Variants in CLIP4 observed in about 807,000 individuals in gnomAD.
CLIP4 encodes CAP-Gly domain-containing linker protein 4.
In CLIP4, 47 loss-of-function variants were observed where a neutral mutation model predicts 73.1. The observed-to-expected ratio is 0.64, with a 90% confidence interval of 0.51 to 0.82. The LOEUF (loss-of-function observed/expected upper bound fraction) is 0.82. Ranked by LOEUF, CLIP4 falls within the 40% of genes least tolerant of loss-of-function variation. CLIP4 has a pLI of 0.00. For missense variants in CLIP4, 874 were observed against 852.9 expected (o/e 1.02, Z -0.31); for synonymous variants, 306 against 295.4 (o/e 1.04, Z -0.37).
intron 1 of CLIP4, among the ~76,000 whole-genome samples, chr2:29,099,158 A>C (rs1343598006): frequency 6.6e-6 from 1 of 151,606 alleles, no homozygotes; most frequent in African/African-American, 2.4e-5. Flanking sequence ...TTGTCTTTTC[A>C]TTGTCTTAAC....
In CLIP4 at chr2:29,128,463, A is replaced by G. The variant is rs148245988; in HGVS notation, c.134-2795A>G. Among the ~76,000 whole-genome samples, 546 of 152,102 alleles carry G rather than the reference A, an allele frequency of 3.6e-3. 3 individuals are homozygous for G. Among genetic ancestry groups the G allele is most frequent in the Non-Finnish European group, 5.8e-3 (393 of 67,936 alleles). ...AAAAACAAAAACAAAAAAAAACAAAACCCCTTGACTTTTTGAGAGAGAAAC... is the reference window on the plus strand; with the variant it reads ...AAAAACAAAAACAAAAAAAAACAAAGCCCCTTGACTTTTTGAGAGAGAAAC... On this transcript the variant is annotated intron_variant, in intron 2 of 15. Coordinates refer to ENST00000320081, the MANE Select transcript of CLIP4 (RefSeq NM_024692.6).
At chr2:29,157,818 C>T (rs926939887) in intron 11 of CLIP4, among the ~76,000 whole-genome samples, 4 of 152,264 alleles carry the variant, frequency 2.6e-5, no homozygotes, top group African/African-American at 4.8e-5. Context: ...TGTAAAGATA[C>T]GTAAAACACT....
In CLIP4 at chr2:29,098,761, A is replaced by G. The variant is rs114964372; in HGVS notation, c.-16+814A>G. ...GATTGTTAGATCATATGGTAAGACT[A>G]TGCTTAGCTTTGTAAGAACTGCCAA... is the stretch of plus-strand genomic sequence containing the variant. On this transcript the variant is annotated intron_variant, in intron 1 of 14. Coordinates refer to the CLIP4 transcript ENST00000401605. 5.6e-3 allele frequency among the ~76,000 whole-genome samples: 855 copies of G among 152,352 alleles called. 5 individuals are homozygous for G. The highest frequency in any genetic ancestry group is 0.02 in the African/African-American group (823 of 41,590).
At chr2:29,135,361 A>C (rs1357130350) in intron 5 of CLIP4, among the ~76,000 whole-genome samples, 187 bp from the exon 6 acceptor site, 1 of 152,186 alleles carries the variant, frequency 6.6e-6, no homozygotes, top group Non-Finnish European at 1.5e-5. Context: ...TTGTACTAAT[A>C]ATCAACTGCT....
At chr2:29,164,087 C>T (rs188785223) in intron 13 of CLIP4, 133 bp downstream of exon 13, 34 of 765,668 alleles carry the variant, frequency 4.4e-5, no homozygotes, top group Middle Eastern at 3.4e-4. Context: ...TAACCAACCA[C>T]CTTCTTCAGA....
chr2:29,160,437 A>C lies in CLIP4; in HGVS notation c.1504A>C (p.Arg502=). 6.2e-7 allele frequency: 1 copy of C among 1,614,144 alleles called. No individual in the cohort carries two copies. The highest frequency in any genetic ancestry group is 8.5e-7 in the Non-Finnish European group (1 of 1,180,006). The change falls in exon 12 of 16, where the codon AGG becomes CGG. Residue 502 remains arginine, a synonymous_variant. Coordinates refer to ENST00000320081, the MANE Select transcript of CLIP4 (RefSeq NM_024692.6). ...GGTAGGACAGAGACTGGGCACCATT[A>C]GGTTCTTTGGGACAACAAACTTCGC... ...LVVGQRLGTI[R]FFGTTNFAPG...
chr2:29,160,206 C>T, intron 11 of CLIP4, 127 bp from the exon 12 acceptor site: 1 of 1,150,366 alleles, frequency 8.7e-7, no homozygotes, highest in Non-Finnish European at 1.3e-6. Flanking sequence ...ATCAAAATCA[C>T]CAACTAACTA....
At chr2:29,112,474 G>A (rs1008972748), upstream of CLIP4, among the ~76,000 whole-genome samples, 8 of 152,306 alleles carry the variant, frequency 5.3e-5, no homozygotes, top group East Asian at 1.3e-3. Context: ...TGGATATTAT[G>A]CTTTAGAGTT....
chr2:29,148,729 A>G (rs1666343236), intron 8 of CLIP4, among the ~76,000 whole-genome samples: 1 of 152,182 alleles, frequency 6.6e-6, no homozygotes, highest in Non-Finnish European at 1.5e-5. Context: ...AGTTTGTACT[A>G]TGAAGAGAGA....
upstream of CLIP4, chr2:29,115,053 A>C (rs1426197508): frequency 6.6e-6 from 1 of 152,450 alleles, no homozygotes; most frequent in Non-Finnish European, 1.5e-5. This position sits in a 1 kb window ranked among gnomAD's most constrained non-coding sequence, Gnocchi z 5.1. Context: ...ACGTGGGTGT[A>C]GCACGGATTA....
intron 6 of CLIP4, among the ~76,000 whole-genome samples, chr2:29,139,141 A>G (rs918680854): frequency 6.6e-6 from 1 of 151,772 alleles, no homozygotes; most frequent in Admixed American, 6.6e-5. Flanking sequence ...TGGGTTTGTC[A>G]TAGATGGCTC....
chr2:29,150,347 A>G (rs554513891), intron 8 of CLIP4, among the ~76,000 whole-genome samples: 1 of 152,328 alleles, frequency 6.6e-6, no homozygotes, highest in African/African-American at 2.4e-5. Context: ...AAGAGGGTTT[A>G]CTAATACTGA....
intron 1 of CLIP4, chr2:29,118,409 G>T (rs1056847785): frequency 6.6e-6 from 1 of 152,236 alleles, no homozygotes; most frequent in Non-Finnish European, 1.5e-5. Context: ...AGCTAACTTG[G>T]AGTGATGAGT....
intron 2 of CLIP4, chr2:29,130,960 C>T (rs981185943): frequency 8.0e-7 from 1 of 1,246,826 alleles, no homozygotes; most frequent in Non-Finnish European, 1.0e-6. Context: ...TTTTCTACCC[C>T]AGATTTGCCA....
At chr2:29,170,817 G>A (rs1311017539) in intron 14 of CLIP4, among the ~76,000 whole-genome samples, 1 of 151,858 alleles carries the variant, frequency 6.6e-6, no homozygotes, top group South Asian at 2.1e-4. Context: ...TTTCACATGT[G>A]AATGTCCAGT....
At chr2:29,151,395 G>A (rs561269382) in intron 8 of CLIP4, among the ~76,000 whole-genome samples, 5 of 152,034 alleles carry the variant, frequency 3.3e-5, no homozygotes, top group East Asian at 1.9e-4. Context: ...CATCATCGTC[G>A]TCATTATCAC....
intron 5 of CLIP4, among the ~76,000 whole-genome samples, chr2:29,134,091 A>G (rs1223009513): frequency 6.6e-6 from 1 of 152,212 alleles, no homozygotes; most frequent in Non-Finnish European, 1.5e-5. Context: ...GATGTTTTAT[A>G]TAATTGATTC....
upstream of CLIP4, chr2:29,115,409 T>G (rs1405539624): frequency 6.6e-6 from 1 of 150,660 alleles, no homozygotes; most frequent in East Asian, 2.0e-4. This position sits in a 1 kb window ranked among gnomAD's most constrained non-coding sequence, Gnocchi z 5.1. Context: ...GCGCGCTGCC[T>G]CCTCCGTCCC....
intron 14 of CLIP4, among the ~76,000 whole-genome samples, chr2:29,171,625 C>T (rs1253790590): frequency 1.3e-5 from 2 of 151,442 alleles, no homozygotes; most frequent in East Asian, 1.9e-4. Flanking sequence ...TTCACGCCAT[C>T]CTCCTGCCTC....
Sources: allele counts gnomAD v4.1 joint callset (sites outside exome capture counted in the v4.1 genomes callset), GRCh38; gene constraint gnomAD v4.1.1; non-coding constraint Gnocchi (gnomAD v3.1); transcripts MANE v1.5; gene names NCBI Gene and HGNC (gene_info 2026-07-23, HGNC 2026-07-21).